Variants in ARK2C observed in about 807,000 individuals in gnomAD.
ARK2C encodes E3 ubiquitin-protein ligase ARK2C.
At chr18:46,351,002 C>G in the ARK2C span, among the ~76,000 whole-genome samples, 4 of 152,198 alleles carry the variant, frequency 2.6e-5, no homozygotes, top group Non-Finnish European at 4.4e-5. Context: ...ATGGCAGACG[C>G]CAGCAGCGCT....
the ARK2C span, chr18:46,456,860 C>T: frequency 3.8e-6 from 2 of 528,906 alleles, no homozygotes; most frequent in Admixed American, 3.2e-5. Context: ...CCTGGCTGAG[C>T]AGGAGAGAGG....
chr18:46,418,867 G>A, the ARK2C span, among the ~76,000 whole-genome samples: 84 of 152,336 alleles, frequency 5.5e-4, no homozygotes, highest in African/African-American at 2.0e-3. Context: ...CACCTCCGTG[G>A]TTTTCCATTC....
At chr18:46,382,201 G>A in the ARK2C span, among the ~76,000 whole-genome samples, 3 of 152,222 alleles carry the variant, frequency 2.0e-5, no homozygotes, top group African/African-American at 7.2e-5. Flanking sequence ...CTCCTGGACG[G>A]TCTGTCATCT....
the ARK2C span, among the ~76,000 whole-genome samples, chr18:46,361,214 G>A: frequency 1.3e-5 from 2 of 152,070 alleles, no homozygotes; most frequent in African/African-American, 2.4e-5. Flanking sequence ...TCTAAGCTGG[G>A]CTTCACCCCA....
At chr18:46,342,480 T>C in the ARK2C span, among the ~76,000 whole-genome samples, 14 of 152,316 alleles carry the variant, frequency 9.2e-5, no homozygotes, top group Admixed American at 9.2e-4. Context: ...AAAGGGGACT[T>C]TGAGAGACAG....
the ARK2C span, among the ~76,000 whole-genome samples, chr18:46,401,381 T>C: frequency 6.6e-6 from 1 of 152,212 alleles, no homozygotes; most frequent in Admixed American, 6.5e-5. Context: ...CATTTTTTCT[T>C]ATGCAATTTT....
At chr18:46,395,460 C>T in the ARK2C span, among the ~76,000 whole-genome samples, 1 of 152,216 alleles carries the variant, frequency 6.6e-6, no homozygotes, top group African/African-American at 2.4e-5. Context: ...TTGAGAACTA[C>T]TTCTGTGCAT....
chr18:46,406,090 G>A, the ARK2C span, among the ~76,000 whole-genome samples: 1 of 151,964 alleles, frequency 6.6e-6, no homozygotes, highest in Admixed American at 6.6e-5. Flanking sequence ...CTGACCTTGT[G>A]TACACTCATA....
At chr18:46,338,970 C>T in the ARK2C span, among the ~76,000 whole-genome samples, 2 of 152,306 alleles carry the variant, frequency 1.3e-5, no homozygotes, top group South Asian at 2.1e-4. Context: ...CCTCTCCCCC[C>T]ATGGCTGCCC....
chr18:46,404,196 A>G, the ARK2C span, among the ~76,000 whole-genome samples: 4 of 152,156 alleles, frequency 2.6e-5, no homozygotes, highest in African/African-American at 7.2e-5. Context: ...AAACTGCTCA[A>G]TGTTTTTAGG....
At chr18:46,442,111 C>T in the ARK2C span, among the ~76,000 whole-genome samples, 3 of 148,760 alleles carry the variant, frequency 2.0e-5, no homozygotes, top group Admixed American at 6.7e-5. Flanking sequence ...TGCAGTGAGT[C>T]GAGATCGCGC....
chr18:46,411,600 T>C, the ARK2C span, among the ~76,000 whole-genome samples: 3 of 152,248 alleles, frequency 2.0e-5, no homozygotes, highest in African/African-American at 7.2e-5. Context: ...TCTATATGTG[T>C]ACTAGTTTCC....
At chr18:46,434,327 TATTA>T in the ARK2C span, among the ~76,000 whole-genome samples, 6 of 152,240 alleles carry the variant, frequency 3.9e-5, no homozygotes, top group South Asian at 2.1e-4. Flanking sequence ...TTTAAATATT[TATTA>T]ATTCTCTTAA....
At chr18:46,382,434 T>C in the ARK2C span, among the ~76,000 whole-genome samples, 2 of 152,230 alleles carry the variant, frequency 1.3e-5, no homozygotes, top group Admixed American at 6.5e-5. Context: ...ATGAGTTGTT[T>C]ACCATTTTCT....
chr18:46,400,752 G>A, the ARK2C span, among the ~76,000 whole-genome samples: 1 of 152,134 alleles, frequency 6.6e-6, no homozygotes. Context: ...CCTAAATTGT[G>A]TCGGCTTTCA....
chr18:46,358,636 C>T, the ARK2C span, among the ~76,000 whole-genome samples: 1 of 152,110 alleles, frequency 6.6e-6, no homozygotes, highest in Non-Finnish European at 1.5e-5. Context: ...CACCTAGGCT[C>T]GTAGAATGAG....
At chr18:46,379,130 G>A in the ARK2C span, among the ~76,000 whole-genome samples, 1 of 152,200 alleles carries the variant, frequency 6.6e-6, no homozygotes, top group Non-Finnish European at 1.5e-5. Context: ...TCCCTGCTGG[G>A]AGCCCCCAGG....
the ARK2C span, among the ~76,000 whole-genome samples, chr18:46,432,923 C>T: frequency 2.0e-5 from 3 of 151,920 alleles, no homozygotes. Flanking sequence ...CCAGCCTGGG[C>T]GACAGAGCGA....
the ARK2C span, among the ~76,000 whole-genome samples, chr18:46,406,047 T>C: frequency 1.3e-5 from 2 of 152,030 alleles, no homozygotes; most frequent in Non-Finnish European, 2.9e-5. Flanking sequence ...TACACACCCA[T>C]GTACACACTC....
Sources: allele counts gnomAD v4.1 joint callset (sites outside exome capture counted in the v4.1 genomes callset), GRCh38; gene constraint gnomAD v4.1.1; transcripts MANE v1.5; gene names NCBI Gene and HGNC (gene_info 2026-07-23, HGNC 2026-07-21).